The following CTNND2 variants were observed in gnomAD, a reference collection of about 807,000 sequenced individuals.
CTNND2 encodes the protein catenin delta 2.
CTNND2 carries 22 observed loss-of-function variants against 144.4 expected under a neutral mutation model. That is an observed-to-expected ratio of 0.15 (90% CI 0.11 to 0.22). The LOEUF is 0.22. Among genes scored for constraint, CTNND2 ranks in the 10% least tolerant of loss-of-function variants. CTNND2 has a pLI of 1.00. For missense variants in CTNND2, 1,353 were observed against 1,618.8 expected, an observed-to-expected ratio of 0.84 and a Z score of 2.82; for synonymous variants, 751 against 695.6, an observed-to-expected ratio of 1.08 and a Z score of -1.25.
At chr5:11,331,244 G>A (rs886180046) in intron 9 of CTNND2, among the ~76,000 whole-genome samples, 2 of 152,086 alleles carry the variant, frequency 1.3e-5, no homozygotes, top group Non-Finnish European at 2.9e-5. Flanking sequence ...TGGAAGAAAG[G>A]GTATGCTTAT....
chr5:11,654,675 A>T (rs902492659), intron 2 of CTNND2, among the ~76,000 whole-genome samples: 4 of 151,090 alleles, frequency 2.6e-5, no homozygotes, highest in Non-Finnish European at 5.9e-5. Context: ...TTTTTTACAT[A>T]CAGGACCATG....
intron 1 of CTNND2, among the ~76,000 whole-genome samples, chr5:11,849,911 C>G (rs1794936226): frequency 1.3e-5 from 2 of 152,106 alleles, no homozygotes; most frequent in Non-Finnish European, 2.9e-5. Flanking sequence ...AAAGCCAAAT[C>G]TAGTCCAAGG....
intron 8 of CTNND2, among the ~76,000 whole-genome samples, chr5:11,359,951 G>A (rs1443633945): frequency 1.3e-5 from 2 of 152,104 alleles, no homozygotes; most frequent in East Asian, 1.9e-4. Context: ...TGAGGAGTAG[G>A]ACTTGGGTAC....
At chr5:11,089,902 G>A (rs572562243) in intron 15 of CTNND2, among the ~76,000 whole-genome samples, 5 of 152,232 alleles carry the variant, frequency 3.3e-5, no homozygotes, top group African/African-American at 7.2e-5. Context: ...CCAGCTCCTC[G>A]GGAGACTGAG....
At chr5:11,128,520 C>A (rs756924560) in intron 12 of CTNND2, among the ~76,000 whole-genome samples, 62 of 150,592 alleles carry the variant, frequency 4.1e-4, no homozygotes, top group Non-Finnish European at 2.8e-4. Flanking sequence ...CAATTTGTTA[C>A]AGCAGCAAGA....
intron 2 of CTNND2, among the ~76,000 whole-genome samples, chr5:11,683,528 C>T (rs561355346): frequency 6.6e-6 from 1 of 152,292 alleles, no homozygotes; most frequent in South Asian, 2.1e-4. Context: ...CATAGCACAA[C>T]CTAAGTTGGC....
At chr5:10,985,651 T>A (rs10434649) in intron 20 of CTNND2, among the ~76,000 whole-genome samples, 60,476 of 152,058 alleles carry the variant, frequency 0.4, 12,436 homozygotes, top group African/African-American at 0.5. Flanking sequence ...GTTTTTCAGG[T>A]TATCTTTCAA....
At chr5:11,533,404 A>G (rs1773933720) in intron 3 of CTNND2, among the ~76,000 whole-genome samples, 1 of 152,198 alleles carries the variant, frequency 6.6e-6, no homozygotes, top group Non-Finnish European at 1.5e-5. Flanking sequence ...TTTAGAGCTC[A>G]CAGATGCCCC....
intron 18 of CTNND2, 29 bp from the exon 19 acceptor site, chr5:10,992,706 T>C (rs1051986250): frequency 6.9e-6 from 11 of 1,601,386 alleles, no homozygotes; most frequent in Non-Finnish European, 8.5e-6. Context: ...TCCTGTTAGA[T>C]GGGCAAGACA....
intron 18 of CTNND2, among the ~76,000 whole-genome samples, chr5:10,999,080 C>T (rs1415712913): frequency 6.6e-6 from 1 of 152,172 alleles, no homozygotes; most frequent in African/African-American, 2.4e-5. Context: ...ATCTCATGGC[C>T]TTCCTCATCT....
chr5:11,035,218 C>G (rs1743940675), intron 16 of CTNND2, among the ~76,000 whole-genome samples: 1 of 152,098 alleles, frequency 6.6e-6, no homozygotes, highest in Non-Finnish European at 1.5e-5. Flanking sequence ...GTTAGAAGTA[C>G]AACACTGGTC....
At chr5:11,137,429 C>T (rs147485644) in intron 12 of CTNND2, among the ~76,000 whole-genome samples, 1 of 152,120 alleles carries the variant, frequency 6.6e-6, no homozygotes, top group African/African-American at 2.4e-5. Flanking sequence ...TACACCCCAA[C>T]GTGTCCAGGA....
intron 8 of CTNND2, among the ~76,000 whole-genome samples, chr5:11,364,309 C>A (rs1756750368): frequency 6.6e-6 from 1 of 152,260 alleles, no homozygotes; most frequent in Admixed American, 6.5e-5. Flanking sequence ...AATAGGTAGA[C>A]AATATCATGA....
chr5:11,236,775 C>T lies in CTNND2; in HGVS notation c.1677G>A (p.Leu559=). ...DPELPEVIQM[L]QHQFPSVQSN... is the part of the protein sequence containing the mutation. ...ACTGGACCGAGGGAAACTGGTGCTG[C>T]AACATCTGAATCACTTCCGGCAGTT... The change falls in exon 10 of 22, where the codon TTG becomes TTA. Residue 559 remains leucine (L), a synonymous_variant. Coordinates refer to ENST00000304623, the MANE Select transcript of CTNND2 (RefSeq NM_001332.4). The T allele has an allele frequency of 6.2e-7, 1 of 1,614,180 alleles. No individual in the cohort carries two copies. Among genetic ancestry groups the T allele is most frequent in the Non-Finnish European group, 8.5e-7 (1 of 1,180,020 alleles).
intron 16 of CTNND2, among the ~76,000 whole-genome samples, chr5:11,051,629 G>A (rs1745835956): frequency 1.3e-5 from 2 of 152,198 alleles, no homozygotes; most frequent in African/African-American, 4.8e-5. Flanking sequence ...GATTTTTCAT[G>A]AGAGTTGAGT....
chr5:11,101,192 T>C (rs1174435513), intron 14 of CTNND2, among the ~76,000 whole-genome samples: 2 of 152,242 alleles, frequency 1.3e-5, no homozygotes, highest in Non-Finnish European at 2.9e-5. Context: ...TTTATCTGGG[T>C]ACTTTATTCA....
intron 14 of CTNND2, among the ~76,000 whole-genome samples, chr5:11,100,446 G>C (rs1751773273): frequency 6.6e-6 from 1 of 152,110 alleles, no homozygotes; most frequent in Non-Finnish European, 1.5e-5. Flanking sequence ...AAAAAAGAAG[G>C]AAGTGAACTA....
chr5:11,110,918 C>T lies in CTNND2; in HGVS notation c.2403G>A (p.Lys801=), dbSNP rs377601281. The T allele has an allele frequency of 3.0e-4, 483 of 1,614,024 alleles. 1 individual carries two copies. Among genetic ancestry groups the T allele is most frequent in the Non-Finnish European group, 3.9e-4 (463 of 1,180,030 alleles). Residue 801 remains lysine, a synonymous_variant, in exon 14 of 22, where the codon AAG becomes AAA. Transcript: ENST00000304623. ...CCCAGCACCCAGAGCTCTCAGCATC[C>T]TTGCCATTGGCCTCGCCACAGAGTA... is the stretch of plus-strand genomic sequence containing the variant. ...DGLLCGEANG[K]DAESSGCWGK...
At chr5:11,125,880 T>C (rs1012942372) in intron 12 of CTNND2, among the ~76,000 whole-genome samples, 4 of 152,230 alleles carry the variant, frequency 2.6e-5, no homozygotes, top group Admixed American at 6.5e-5. Context: ...TAATGAACCA[T>C]GTAGGTAAGA....
Sources: gnomAD v4.1 joint callset for allele counts (sites outside exome capture counted in the v4.1 genomes callset) on GRCh38, gnomAD v4.1.1 for gene constraint, MANE v1.5 for transcripts, NCBI Gene and HGNC (gene_info 2026-07-23, HGNC 2026-07-21) for gene names.